PARD3B: variants seen among roughly 807,000 people sequenced by gnomAD.
PARD3B encodes the protein par-3 family cell polarity regulator beta.
PARD3B carries 103 observed loss-of-function variants against 130.2 expected under a neutral mutation model. That is an observed-to-expected ratio of 0.79 (90% confidence interval 0.67 to 0.93). PARD3B has a LOEUF of 0.93. PARD3B is among the 40% of genes least tolerant of loss of function. PARD3B has a pLI of 0.00. For synonymous variants in PARD3B, 583 were observed against 553.2 expected (o/e 1.05, Z -0.76); for missense variants, 1,609 against 1,499.2 (o/e 1.07, Z -1.21).
At chr2:204,802,357 A>G (rs1411512957) in intron 2 of PARD3B, among the ~76,000 whole-genome samples, 1 of 152,188 alleles carries the variant, frequency 6.6e-6, no homozygotes, top group Non-Finnish European at 1.5e-5. Context: ...GCTGGAGAGG[A>G]TGTGGAGAAA....
chr2:204,763,813 A>G lies in PARD3B; in HGVS notation c.222+77531A>G, dbSNP rs530582361. Among the ~76,000 whole-genome samples the G allele has an allele frequency of 7.2e-5, 11 of 152,310 alleles. No homozygotes were observed. The East Asian group carries it at 1.4e-3, about 19-fold the overall frequency. ...GCACTGTGCCATTTATTCACCTTCA[A>G]TACATGTGTATTTTTATTTTGGAAA... On this transcript the variant is annotated intron_variant, in intron 2 of 22. Transcript: ENST00000406610.
At chr2:204,712,414 C>T (rs1406544208) in intron 2 of PARD3B, among the ~76,000 whole-genome samples, 1 of 151,756 alleles carries the variant, frequency 6.6e-6, no homozygotes, top group Non-Finnish European at 1.5e-5. Context: ...AGTTTGAGAC[C>T]AGCCTGGCCA....
At chr2:204,703,664 TA>T (rs2037999059) in intron 2 of PARD3B, among the ~76,000 whole-genome samples, 1 of 152,172 alleles carries the variant, frequency 6.6e-6, no homozygotes, top group Admixed American at 6.5e-5. Flanking sequence ...GCTTAATCAT[TA>T]AAAAATAACC....
chr2:204,779,142 C>G (rs889306213), intron 2 of PARD3B, among the ~76,000 whole-genome samples: 12 of 152,112 alleles, frequency 7.9e-5, no homozygotes, highest in African/African-American at 2.9e-4. Context: ...TCCTCCCCCT[C>G]AGGTTTCTGA....
At chr2:204,797,618 T>G (rs1159047952) in intron 2 of PARD3B, among the ~76,000 whole-genome samples, 1 of 152,168 alleles carries the variant, frequency 6.6e-6, no homozygotes, top group Non-Finnish European at 1.5e-5. Flanking sequence ...TAAAAATTAT[T>G]ATAAACAGAT....
intron 1 of PARD3B, among the ~76,000 whole-genome samples, chr2:204,580,485 C>T (rs1209664319): frequency 6.6e-6 from 1 of 152,138 alleles, no homozygotes; most frequent in Admixed American, 6.6e-5. Flanking sequence ...TGTCATCTGA[C>T]CCTAGCCGAT....
At chr2:204,682,217 G>A (rs2125235551) in intron 1 of PARD3B, among the ~76,000 whole-genome samples, 1 of 152,208 alleles carries the variant, frequency 6.6e-6, no homozygotes, top group South Asian at 2.1e-4. Flanking sequence ...CTGATTCCCT[G>A]CCTGATTCCT....
intron 3 of PARD3B, among the ~76,000 whole-genome samples, chr2:205,003,254 A>G (rs1198598409): frequency 6.6e-6 from 1 of 152,176 alleles, no homozygotes; most frequent in African/African-American, 2.4e-5. Flanking sequence ...AATCCAGGAC[A>G]GTCTTCCTCT....
At chr2:205,383,113 T>TAGATAGATAGAGAGAG (rs1553500341) in intron 18 of PARD3B, among the ~76,000 whole-genome samples, 2 of 149,450 alleles carry the variant, frequency 1.3e-5, no homozygotes, top group African/African-American at 4.9e-5. Flanking sequence ...GATAGATAGA[T>TAGATAGATAGAGAGAG]AGATAGATAG....
intron 2 of PARD3B, among the ~76,000 whole-genome samples, chr2:204,832,048 C>T (rs2043844019): frequency 6.6e-6 from 1 of 152,044 alleles, no homozygotes. Context: ...CGGTGAAACC[C>T]CATTTCTACT....
intron 3 of PARD3B, among the ~76,000 whole-genome samples, chr2:205,043,591 C>T (rs1698537081): frequency 6.6e-6 from 1 of 152,142 alleles, no homozygotes; most frequent in Admixed American, 6.6e-5. Context: ...AGCTTCTTCA[C>T]TGTAGAGGTT....
chr2:204,951,535 T>C (rs12328250), intron 2 of PARD3B, among the ~76,000 whole-genome samples: 6,017 of 152,292 alleles, frequency 0.04, 389 homozygotes, highest in African/African-American at 0.14. Context: ...TGGGTGCATA[T>C]TTTTAAGTTC....
At chr2:205,354,593 TA>T (rs1219211009) in intron 18 of PARD3B, among the ~76,000 whole-genome samples, 1 of 152,164 alleles carries the variant, frequency 6.6e-6, no homozygotes, top group Non-Finnish European at 1.5e-5. Flanking sequence ...GTTGGGATTA[TA>T]AACATGTGCC....
At chr2:204,787,585 C>T (rs752943636) in intron 2 of PARD3B, among the ~76,000 whole-genome samples, 4 of 152,096 alleles carry the variant, frequency 2.6e-5, no homozygotes, top group Non-Finnish European at 4.4e-5. Flanking sequence ...GCCTTGTTTC[C>T]CATGACCATG....
intron 19 of PARD3B, among the ~76,000 whole-genome samples, chr2:205,433,398 G>A (rs1575009407): frequency 6.6e-6 from 1 of 152,164 alleles, no homozygotes; most frequent in East Asian, 1.9e-4. Flanking sequence ...CAGGCATGGT[G>A]ACAGGCACCT....
chr2:205,045,335 G>A (rs889923473), intron 3 of PARD3B, among the ~76,000 whole-genome samples: 12 of 151,528 alleles, frequency 7.9e-5, no homozygotes, highest in East Asian at 5.9e-4. Flanking sequence ...TGCAACCTCC[G>A]CCTCCCGGGT....
chr2:205,046,515 T>G (rs755150546), intron 3 of PARD3B, among the ~76,000 whole-genome samples: 3 of 151,440 alleles, frequency 2.0e-5, no homozygotes, highest in Non-Finnish European at 4.4e-5. Flanking sequence ...GGAAGTTCTA[T>G]CTGGACAAAG....
intron 3 of PARD3B, among the ~76,000 whole-genome samples, chr2:204,975,537 G>T (rs546363961): frequency 6.6e-6 from 1 of 152,260 alleles, no homozygotes; most frequent in East Asian, 1.9e-4. Flanking sequence ...AGTTCAGCAG[G>T]TGCACTGTTT....
chr2:204,875,733 C>G (rs946972965), intron 2 of PARD3B, among the ~76,000 whole-genome samples: 10 of 152,038 alleles, frequency 6.6e-5, no homozygotes, highest in Admixed American at 5.2e-4. Context: ...TTTACAAGTT[C>G]GTTACTTCTC....
Sources: gnomAD v4.1 joint callset for allele counts (sites outside exome capture counted in the v4.1 genomes callset) on GRCh38, gnomAD v4.1.1 for gene constraint, MANE v1.5 for transcripts, NCBI Gene and HGNC (gene_info 2026-07-23, HGNC 2026-07-21) for gene names.